CEACAM5: variants seen among roughly 807,000 people sequenced by gnomAD.
CEACAM5 encodes the protein CEA cell adhesion molecule 5, also known as cell adhesion molecule CEACAM5.
A neutral mutation model predicts 63.0 loss-of-function variants in CEACAM5; 52 were observed. The observed-to-expected ratio is 0.83, with a 90% CI of 0.66 to 1.04. The LOEUF is 1.04. Ranked by LOEUF, CEACAM5 falls within the 50% of genes least tolerant of loss-of-function variation. CEACAM5 has a pLI of 0.00. For synonymous variants in CEACAM5, 357 were observed against 351.3 expected, an observed-to-expected ratio of 1.02 and a Z score of -0.18; for missense variants, 790 against 864.8, an observed-to-expected ratio of 0.91 and a Z score of 1.08.
Position 41,717,495 on chromosome 19 carries a change from C to A in CEACAM5, c.999C>A (p.Asn333Lys). 3.1e-6 allele frequency: 5 copies of A among 1,614,190 alleles called. No individual in the cohort carries two copies. The highest frequency in any genetic ancestry group is 4.2e-6 in the Non-Finnish European group (5 of 1,180,024). The part of the protein sequence containing the change: ...PKPFITSNNS[N>K]PVEDEDAVAL... ...CCTTCATCACCAGCAACAACTCCAA[C>A]CCCGTGGAGGATGAGGATGCTGTAG... The change falls in exon 5 of 10, where the codon AAC (asparagine) becomes AAA (lysine). Residue 333 changes from asparagine to lysine, a missense_variant. By Grantham distance (94) the Asn-to-Lys change is moderately conservative (BLOSUM62 0). Coordinates refer to ENST00000221992, the MANE Select transcript of CEACAM5 (RefSeq NM_004363.6).
intron 6 of CEACAM5, among the ~76,000 whole-genome samples, chr19:41,719,358 C>T (rs781858284): frequency 2.0e-5 from 3 of 152,192 alleles, no homozygotes; most frequent in Non-Finnish European, 2.9e-5. Context: ...CTCTTTTCTT[C>T]TTCCTAAAAT....
chr19:41,710,792 T>A (rs1555813930), intron 2 of CEACAM5, among the ~76,000 whole-genome samples: 1 of 152,206 alleles, frequency 6.6e-6, no homozygotes, highest in East Asian at 1.9e-4. Context: ...CCCAGGGCCT[T>A]CTCTCTTGGA....
chr19:41,717,827 A>G, intron 5 of CEACAM5, 94 bp downstream of exon 5: 1 of 1,474,524 alleles, frequency 6.8e-7, no homozygotes, highest in Admixed American at 1.8e-5. Context: ...GCCCAAGGAC[A>G]GAGACTTTTA....
chr19:41,718,374 C>G lies in CEACAM5; in HGVS notation c.1484C>G (p.Thr495Arg). 6.2e-7 allele frequency: 1 copy of G among 1,614,136 alleles called. No homozygotes were observed. Among genetic ancestry groups the G allele is most frequent in the Non-Finnish European group, 8.5e-7 (1 of 1,179,984 alleles). Residue 495 changes from threonine to arginine, a missense_variant, in exon 6 of 10, where the codon ACA (threonine) becomes AGA (arginine). Transcript: ENST00000221992. ...AGCAGGACTACAGTCAAGACAATCACAGTCTCTGGTAAGTGGATCCCTGGA... is the reference window on the plus strand; with the variant it reads ...AGCAGGACTACAGTCAAGACAATCAGAGTCTCTGGTAAGTGGATCCCTGGA... The part of the protein sequence containing the change: ...GHSRTTVKTI[T>R]VSAELPKPSI...
chr19:41,713,422 T>A (rs1256440451), intron 2 of CEACAM5, among the ~76,000 whole-genome samples: 1 of 152,170 alleles, frequency 6.6e-6, no homozygotes, highest in Admixed American at 6.5e-5. Context: ...TATTCAAAAC[T>A]CAAAAACAGT....
intron 9 of CEACAM5, among the ~76,000 whole-genome samples, chr19:41,727,706 T>C (rs2072719265): frequency 6.6e-6 from 1 of 152,154 alleles, no homozygotes; most frequent in Admixed American, 6.5e-5. Context: ...TTGTTGCCAG[T>C]CTTTGAAATC....
At chr19:41,717,373 A>C (rs1392352511) in intron 4 of CEACAM5, 82 bp from the exon 5 acceptor site, 4 of 1,468,618 alleles carry the variant, frequency 2.7e-6, no homozygotes, top group Non-Finnish European at 3.7e-6. Flanking sequence ...GAGAGGTGGG[A>C]GATGCCAACT....
chr19:41,727,164 C>T, intron 8 of CEACAM5, 70 bp from the exon 9 acceptor site: 1 of 1,152,332 alleles, frequency 8.7e-7, no homozygotes, highest in South Asian at 1.2e-5. Context: ...GAGCTGGAAC[C>T]TGGGGCACCC....
chr19:41,723,339 T>C (rs781999846), intron 8 of CEACAM5, among the ~76,000 whole-genome samples: 3 of 152,214 alleles, frequency 2.0e-5, no homozygotes, highest in Non-Finnish European at 4.4e-5. Context: ...AAAACACTTA[T>C]TGTTTTGTGG....
intron 8 of CEACAM5, 57 bp downstream of exon 8, chr19:41,721,233 T>A (rs993824574): frequency 6.3e-7 from 1 of 1,581,670 alleles, no homozygotes; most frequent in African/African-American, 1.4e-5. Flanking sequence ...TATCTGGTTC[T>A]CACCAAAGAG....
rs1238516185 is a variant in CEACAM5 at position 41,717,717 on chromosome 19, C to T, written c.1221C>T (p.Val407=). ...NELSVDHSDP[V]ILNVLYGPDD... is the part of the protein sequence containing the mutation. ...TAAGTGTTGACCACAGCGACCCAGT[C>T]ATCCTGAATGTCCTCTGTGAGTATC... The change falls in exon 5 of 10, where the codon GTC becomes GTT. Residue 407 remains valine, a synonymous_variant. Transcript: ENST00000221992. 2 of 1,613,986 alleles carry T rather than the reference C, an allele frequency of 1.2e-6. No individual in the cohort carries two copies. Among genetic ancestry groups the T allele is most frequent in the African/African-American group, 1.3e-5 (1 of 74,940 alleles).
intron 9 of CEACAM5, among the ~76,000 whole-genome samples, chr19:41,727,800 T>C (rs182403963): frequency 2.6e-4 from 40 of 152,344 alleles, no homozygotes; most frequent in African/African-American, 8.4e-4. Context: ...TACTGTGGTG[T>C]ATTAGATAAG....
In CEACAM5 at chr19:41,717,958, G is replaced by A. The variant is rs149451705; in HGVS notation, c.1238-170G>A. 2.5e-3 allele frequency among the ~76,000 whole-genome samples: 384 copies of A among 152,316 alleles called. 1 individual carries two copies. Among genetic ancestry groups the A allele is most frequent in the African/African-American group, 8.5e-3 (355 of 41,570 alleles). On this transcript the variant is annotated intron_variant, in intron 5 of 9. Transcript: ENST00000221992. ...CACTCGGGATCCACAGCTAGTGATG[G>A]GAGAAACAGATGAATGTCTCAGACT...
intron 2 of CEACAM5, among the ~76,000 whole-genome samples, chr19:41,711,666 G>T (rs546209376): frequency 6.6e-6 from 1 of 152,130 alleles, no homozygotes; most frequent in South Asian, 2.1e-4. Flanking sequence ...TAGTCCTGGG[G>T]TCTCCGAGGT....
chr19:41,721,276 C>T (rs1555816200), intron 8 of CEACAM5, 100 bp downstream of exon 8: 2 of 1,367,024 alleles, frequency 1.5e-6, no homozygotes, highest in Non-Finnish European at 2.0e-6. Context: ...AGTCTGTGTT[C>T]CATGGGCACA....
intron 8 of CEACAM5, among the ~76,000 whole-genome samples, chr19:41,725,192 G>T (rs2072681744): frequency 6.6e-6 from 1 of 151,864 alleles, no homozygotes; most frequent in Non-Finnish European, 1.5e-5. Context: ...TGCTTTTATT[G>T]GTTCTATCTA....
chr19:41,720,433 C>G (rs1762331287), intron 7 of CEACAM5, among the ~76,000 whole-genome samples: 1 of 151,558 alleles, frequency 6.6e-6, no homozygotes, highest in Admixed American at 6.6e-5. Flanking sequence ...AGTCCACAGC[C>G]TATGATGGGA....
intron 8 of CEACAM5, among the ~76,000 whole-genome samples, chr19:41,722,585 T>C (rs1190448901): frequency 6.6e-6 from 1 of 152,196 alleles, no homozygotes; most frequent in Non-Finnish European, 1.5e-5. Flanking sequence ...AATGGAATTA[T>C]ATAATAGTTG....
intron 4 of CEACAM5, 54 bp from the exon 5 acceptor site, chr19:41,717,401 G>A (rs913859863): frequency 4.8e-5 from 75 of 1,567,746 alleles, no homozygotes; most frequent in Middle Eastern, 1.7e-4. Flanking sequence ...ATAGATGCCC[G>A]TGGAGGAATC....
Sources: allele counts gnomAD v4.1 joint callset (sites outside exome capture counted in the v4.1 genomes callset), GRCh38; gene constraint gnomAD v4.1.1; transcripts MANE v1.5; gene names NCBI Gene and HGNC (gene_info 2026-07-23, HGNC 2026-07-21).